Variants in RPRD2 observed in about 807,000 individuals in gnomAD.
RPRD2 encodes regulation of nuclear pre-mRNA domain containing 2, also known as regulation of nuclear pre-mRNA domain-containing protein 2.
Under a neutral mutation model 104.4 loss-of-function variants are expected in RPRD2, and 12 were observed. The ratio of observed to expected loss-of-function variants is 0.11; its 90% CI spans 0.07 to 0.19. The LOEUF (loss-of-function observed/expected upper bound fraction) is 0.19, where lower values mean the gene tolerates loss of function less well. RPRD2 is among the 10% of genes least tolerant of loss of function. The probability of loss-of-function intolerance (pLI) is 1.00; values close to 1 mark genes in which losing one functional copy is unlikely to be tolerated. For synonymous variants in RPRD2, 714 were observed against 684.9 expected, an observed-to-expected ratio of 1.04 and a Z score of -0.66; for missense variants, 1,543 against 1,790.1, an observed-to-expected ratio of 0.86 and a Z score of 2.49.
At chr1:150,367,815 A>G (rs1362400814) in intron 1 of RPRD2, among the ~76,000 whole-genome samples, 2 of 150,964 alleles carry the variant, frequency 1.3e-5, no homozygotes, top group African/African-American at 2.4e-5. Context: ...CTCCACCTCC[A>G]GGGTTCAAGC....
Position 150,417,604 on chromosome 1 carries a change from C to G in RPRD2, c.214C>G (p.Pro72Ala). Residue 72 changes from proline to alanine, a missense_variant, in exon 2 of 11, where the codon CCC (proline) becomes GCC (alanine). Physicochemically the swap from Pro to Ala is conservative, Grantham distance 27. Transcript: ENST00000369068. ...WMKWLRRSAY[P>A]HRLNLFYLAN... ...TCTTTTGTCATCTCTAGCTGCATAT[C>G]CCCACCGTTTGAATCTCTTTTACCT... The G allele has an allele frequency of 6.4e-7, 1 of 1,569,916 alleles. No homozygotes were observed. The highest frequency in any genetic ancestry group is 8.7e-7 in the Non-Finnish European group (1 of 1,152,318).
At chr1:150,395,391 G>A (rs1240767606) in intron 1 of RPRD2, among the ~76,000 whole-genome samples, 1 of 151,996 alleles carries the variant, frequency 6.6e-6, no homozygotes, top group Non-Finnish European at 1.5e-5. Context: ...GTGTGTGTGT[G>A]TGTGTGTGTA....
At chr1:150,369,561 A>G (rs1313308657) in intron 1 of RPRD2, among the ~76,000 whole-genome samples, 1 of 130,946 alleles carries the variant, frequency 7.6e-6, no homozygotes, top group Non-Finnish European at 1.5e-5. Context: ...GGTTCACGCC[A>G]TTCTCCTGCC....
chr1:150,379,920 T>G (rs1304826766), intron 1 of RPRD2, among the ~76,000 whole-genome samples: 4 of 152,234 alleles, frequency 2.6e-5, no homozygotes, highest in African/African-American at 9.6e-5. Context: ...TTTACCAATA[T>G]AAAGGGTTTC....
chr1:150,448,256 C>A (rs1553895918), intron 7 of RPRD2, among the ~76,000 whole-genome samples: 1 of 152,142 alleles, frequency 6.6e-6, no homozygotes, highest in Non-Finnish European at 1.5e-5. Flanking sequence ...GCAACCTCCA[C>A]CTCCTAGGTT....
intron 10 of RPRD2, among the ~76,000 whole-genome samples, chr1:150,467,641 T>C (rs1668364173): frequency 6.6e-6 from 1 of 152,182 alleles, no homozygotes; most frequent in African/African-American, 2.4e-5. Flanking sequence ...CCCAAAGTGC[T>C]GGGATTACAG....
At chr1:150,426,399 T>C (rs1219348578) in intron 2 of RPRD2, among the ~76,000 whole-genome samples, 3 of 152,180 alleles carry the variant, frequency 2.0e-5, no homozygotes, top group African/African-American at 7.2e-5. Flanking sequence ...TTATTTAACT[T>C]TCTCGTGCTT....
chr1:150,379,246 G>T (rs1553880251), intron 1 of RPRD2, among the ~76,000 whole-genome samples: 1 of 150,878 alleles, frequency 6.6e-6, no homozygotes. Context: ...TCACGCCGTT[G>T]CACTCCAGCC....
At chr1:150,434,850 G>T (rs587639654) in intron 2 of RPRD2, among the ~76,000 whole-genome samples, 50 of 152,158 alleles carry the variant, frequency 3.3e-4, no homozygotes, top group Admixed American at 1.8e-3. Context: ...GAAAGGAATA[G>T]TTATAAAGAG....
At chr1:150,384,427 G>A (rs1661385948) in intron 1 of RPRD2, among the ~76,000 whole-genome samples, 1 of 148,044 alleles carries the variant, frequency 6.8e-6, no homozygotes, top group Non-Finnish European at 1.5e-5. Flanking sequence ...GGAAAAGACA[G>A]AAGGAATAAA....
chr1:150,399,935 C>T (rs1340959451), intron 1 of RPRD2, among the ~76,000 whole-genome samples: 2 of 152,026 alleles, frequency 1.3e-5, no homozygotes, highest in Non-Finnish European at 2.9e-5. Flanking sequence ...TACAAATAAT[C>T]CTGCTGGGAT....
intron 1 of RPRD2, among the ~76,000 whole-genome samples, chr1:150,416,882 A>C (rs1351826180): frequency 4.7e-5 from 7 of 148,356 alleles, no homozygotes; most frequent in Admixed American, 1.3e-4. Flanking sequence ...CAAAAAAAAA[A>C]AAAAAAAAAC....
intron 1 of RPRD2, among the ~76,000 whole-genome samples, chr1:150,402,861 G>A (rs971976266): frequency 6.6e-6 from 1 of 152,124 alleles, no homozygotes; most frequent in Non-Finnish European, 1.5e-5. Context: ...CCAATTACTC[G>A]GGAGGCTGAG....
intron 10 of RPRD2, among the ~76,000 whole-genome samples, chr1:150,467,975 A>AG (rs1224009677): frequency 6.6e-6 from 1 of 151,548 alleles, no homozygotes; most frequent in Non-Finnish European, 1.5e-5. Flanking sequence ...CCTGGCCAAC[A>AG]GGGTAAACCT....
Position 150,472,646 on chromosome 1 carries a change from C to A in RPRD2, c.3698C>A (p.Thr1233Asn). 6.2e-7 allele frequency: 1 copy of A among 1,613,884 alleles called. No individual in the cohort carries two copies. Among genetic ancestry groups the A allele is most frequent in the Non-Finnish European group, 8.5e-7 (1 of 1,179,784 alleles). The change falls in exon 11 of 11, where the codon ACT becomes AAT. Residue 1233 changes from threonine to asparagine, a missense_variant. Physicochemically the swap from Thr to Asn is moderately conservative, Grantham distance 65. This residue lies in a region of RPRD2 where 880 missense variants were observed against 885.6 expected (regional missense o/e 0.99). Coordinates refer to ENST00000369068, the MANE Select transcript of RPRD2 (RefSeq NM_015203.5). ...HGGIFSRDAP[T>N]HLPSVDLSNP... is the part of the protein sequence containing the mutation. ...GGTATCTTCTCTCGAGATGCACCCA[C>A]TCATCTACCCTCTGTGGATCTTTCG...
At chr1:150,443,830 C>T (rs587641343) in intron 5 of RPRD2, among the ~76,000 whole-genome samples, 3 of 148,930 alleles carry the variant, frequency 2.0e-5, no homozygotes, top group South Asian at 2.2e-4. Flanking sequence ...ACGGTGAAAC[C>T]CCGTCTCTAC....
intron 1 of RPRD2, among the ~76,000 whole-genome samples, chr1:150,376,459 C>T (rs1660697067): frequency 6.6e-6 from 1 of 151,352 alleles, no homozygotes; most frequent in African/African-American, 2.4e-5. Context: ...TTTTTGTGTT[C>T]CTTTACTGTC....
At position 150,364,242 on chromosome 1, in the gene RPRD2, A is replaced by G. The variant is rs1553876679; in HGVS notation, c.-473A>G. On this transcript the variant is annotated 5_prime_UTR_variant, in exon 1 of 11. Coordinates refer to ENST00000369068, the MANE Select transcript of RPRD2 (RefSeq NM_015203.5). ...GTGCTAGCGAGTCTAAAGGAAAGAA[A>G]GATTTCTGCAACTGAAGGGGCAGTC... is the stretch of plus-strand genomic sequence containing the variant. Among the ~76,000 whole-genome samples the G allele has an allele frequency of 3.9e-5, 6 of 152,176 alleles. No homozygotes were observed. Among genetic ancestry groups the G allele is most frequent in the Admixed American group, 2.0e-4 (3 of 15,268 alleles).
At chr1:150,415,366 A>T in intron 1 of RPRD2, among the ~76,000 whole-genome samples, 1 of 151,770 alleles carries the variant, frequency 6.6e-6, no homozygotes, top group African/African-American at 2.4e-5. Flanking sequence ...GTAAATACAA[A>T]TAAGAATCAA....
Sources: allele counts gnomAD v4.1 joint callset (sites outside exome capture counted in the v4.1 genomes callset), GRCh38; gene constraint gnomAD v4.1.1; regional missense constraint gnomAD v4.1.1; transcripts MANE v1.5; gene names NCBI Gene and HGNC (gene_info 2026-07-23, HGNC 2026-07-21).